TSGA10: variants seen among roughly 807,000 people sequenced by gnomAD.
TSGA10 encodes the protein testis-specific gene 10 protein.
In TSGA10, 43 loss-of-function variants were observed where a neutral mutation model predicts 96.6. The observed-to-expected ratio is 0.44, with a 90% CI of 0.35 to 0.57. The LOEUF is 0.57. TSGA10 is among the 20% of genes least tolerant of loss of function. The probability of loss-of-function intolerance (pLI) is 0.01; values close to 1 mark genes in which losing one functional copy is unlikely to be tolerated. For synonymous variants in TSGA10, 229 were observed against 269.9 expected (o/e 0.85, Z 1.48); for missense variants, 703 against 834.4 (o/e 0.84, Z 1.94).
intron 1 of TSGA10, among the ~76,000 whole-genome samples, chr2:99,137,567 A>AT (rs34412914): frequency 0.51 from 76,258 of 150,120 alleles, 21,173 homozygotes; most frequent in Middle Eastern, 0.7. Context: ...TTTCTTTTTC[A>AT]TTTTTTTTTC....
At chr2:99,057,268 G>C (rs2084118552) in intron 16 of TSGA10, among the ~76,000 whole-genome samples, 2 of 152,156 alleles carry the variant, frequency 1.3e-5, no homozygotes, top group African/African-American at 2.4e-5. Flanking sequence ...GATTGGAAAG[G>C]AAAAAGTAAA....
chr2:99,000,660 A>T (rs1242814087), intron 20 of TSGA10, among the ~76,000 whole-genome samples: 2 of 152,202 alleles, frequency 1.3e-5, no homozygotes, highest in African/African-American at 2.4e-5. Context: ...CTTGTTGGAC[A>T]GTGGGTGCAG....
chr2:99,077,023 C>A (rs1323541467), intron 12 of TSGA10, among the ~76,000 whole-genome samples: 3 of 150,230 alleles, frequency 2.0e-5, no homozygotes, highest in African/African-American at 4.9e-5. Flanking sequence ...ATTCCAACAA[C>A]ACATTGTGCA....
intron 16 of TSGA10, among the ~76,000 whole-genome samples, chr2:99,040,262 T>C (rs1371955614): frequency 6.6e-6 from 1 of 152,130 alleles, no homozygotes; most frequent in Non-Finnish European, 1.5e-5. Context: ...CTGGAAGTCT[T>C]AGCCAGAGCA....
chr2:99,124,646 A>G (rs2092734435), intron 2 of TSGA10: 1 of 152,090 alleles, frequency 6.6e-6, no homozygotes, highest in Non-Finnish European at 1.5e-5. Context: ...GTGCAGCGGC[A>G]TGATCTTGGC....
chr2:99,057,968 T>A (rs192291065), intron 16 of TSGA10, among the ~76,000 whole-genome samples: 1 of 152,244 alleles, frequency 6.6e-6, no homozygotes, highest in East Asian at 1.9e-4. Flanking sequence ...TGATTTTTGA[T>A]AGAGGTGCCA....
chr2:99,086,237 A>G (rs987363368), intron 10 of TSGA10, among the ~76,000 whole-genome samples: 1 of 152,226 alleles, frequency 6.6e-6, no homozygotes, highest in African/African-American at 2.4e-5. Flanking sequence ...TTTGTGGAAA[A>G]AAAAGAACTC....
At chr2:99,065,243 AG>A in intron 15 of TSGA10, 119 bp from the exon 16 acceptor site, 1 of 1,073,290 alleles carries the variant, frequency 9.3e-7, no homozygotes, top group Non-Finnish European at 1.3e-6. Flanking sequence ...TAGAACCCTG[AG>A]GAAATATATC....
At chr2:99,150,903 T>G (rs1194579823) in intron 1 of TSGA10, 5 of 989,200 alleles carry the variant, frequency 5.1e-6, no homozygotes, top group African/African-American at 1.6e-5. Context: ...GAAAGAGAAC[T>G]TAACCTTATT....
At chr2:99,077,770 G>A (rs865868747) in intron 12 of TSGA10, among the ~76,000 whole-genome samples, 13 of 151,850 alleles carry the variant, frequency 8.6e-5, no homozygotes, top group Admixed American at 3.3e-4. Flanking sequence ...CACTATGTTG[G>A]CCAGGTTGGT....
At chr2:99,010,560 A>G (rs1239993357) in intron 20 of TSGA10, among the ~76,000 whole-genome samples, 1 of 152,254 alleles carries the variant, frequency 6.6e-6, no homozygotes, top group Admixed American at 6.5e-5. Flanking sequence ...AAGTAGAAGT[A>G]GCAGCAGGAA....
chr2:99,073,174 C>A (rs1328417711), intron 12 of TSGA10, 101 bp from the exon 13 acceptor site: 2 of 767,124 alleles, frequency 2.6e-6, no homozygotes, highest in East Asian at 2.7e-5. Flanking sequence ...TTTAGGTTTC[C>A]ATTTGGTTTT....
At chr2:99,130,806 G>C (rs1013512044) in intron 1 of TSGA10, among the ~76,000 whole-genome samples, 2 of 152,164 alleles carry the variant, frequency 1.3e-5, no homozygotes, top group Non-Finnish European at 2.9e-5. Context: ...TGTATAAGGT[G>C]TAAGGAAGGG....
chr2:99,040,358 C>A (rs2082072595), intron 16 of TSGA10, among the ~76,000 whole-genome samples: 1 of 152,058 alleles, frequency 6.6e-6, no homozygotes, highest in African/African-American at 2.4e-5. Flanking sequence ...GGATCATATA[C>A]CTAGAAAACT....
In TSGA10 at chr2:99,136,519, C is replaced by CAAAAGAACTATGAACATATCCCTTCT. The variant is rs1280297152; in HGVS notation, c.-620-9344_-620-9343insAGAAGGGATATGTTCATAGTTCTTTT. The stretch of plus-strand genomic sequence containing the variant: ...GAAGCTACAAAAAAAGTATTTCTGC[C>CAAAAGAACTATGAACATATCCCTTCT]GGGCGCGGTGGCTCACGCCTGTAAT... On this transcript the variant is annotated intron_variant, in intron 1 of 20. Transcript: ENST00000393483. 5.4e-3 allele frequency among the ~76,000 whole-genome samples: 528 copies of CAAAAGAACTATGAACATATCCCTTCT among 98,260 alleles called. 8 individuals are homozygous for CAAAAGAACTATGAACATATCCCTTCT. The highest frequency in any genetic ancestry group is 0.011 in the East Asian group (16 of 1,420). 64.5% of individuals were successfully genotyped at this position (98,260 alleles called of 152,430 possible).
At chr2:99,014,845 G>A (rs535919897) in intron 20 of TSGA10, among the ~76,000 whole-genome samples, 4 of 152,162 alleles carry the variant, frequency 2.6e-5, no homozygotes, top group East Asian at 1.9e-4. Flanking sequence ...AAGATCATTC[G>A]AGGCTACTAT....
intron 2 of TSGA10, among the ~76,000 whole-genome samples, chr2:99,124,079 T>C (rs1008995659): frequency 1.3e-5 from 2 of 152,220 alleles, no homozygotes; most frequent in Non-Finnish European, 2.9e-5. Flanking sequence ...GGTGGCTCCA[T>C]TTTACATTCC....
chr2:99,108,686 T>C (rs2091557172), intron 7 of TSGA10, 147 bp downstream of exon 7: 1 of 568,514 alleles, frequency 1.8e-6, no homozygotes, highest in South Asian at 4.1e-5. Context: ...TACATTTCAT[T>C]AAGAATATCT....
chr2:99,076,588 T>C (rs2086724521), intron 12 of TSGA10, among the ~76,000 whole-genome samples: 1 of 151,882 alleles, frequency 6.6e-6, no homozygotes, highest in South Asian at 2.1e-4. Context: ...TATACATATA[T>C]ACACACACAC....
Sources: gnomAD v4.1 joint callset for allele counts (sites outside exome capture counted in the v4.1 genomes callset) on GRCh38, gnomAD v4.1.1 for gene constraint, MANE v1.5 for transcripts, NCBI Gene and HGNC (gene_info 2026-07-23, HGNC 2026-07-21) for gene names.